Variants in CAMK4 observed in about 807,000 individuals in gnomAD.
The protein encoded by CAMK4 is calcium/calmodulin-dependent protein kinase type IV.
In CAMK4, 22 loss-of-function variants were observed where a neutral mutation model predicts 44.9. The observed-to-expected ratio is 0.49, with a 90% CI of 0.35 to 0.70. CAMK4 has a LOEUF of 0.70. CAMK4 is among the 30% of genes least tolerant of loss of function. The pLI is 0.01. For missense variants in CAMK4, 498 were observed against 586.8 expected (o/e 0.85, Z 1.56); for synonymous variants, 218 against 215.4 (o/e 1.01, Z -0.11).
chr5:111,425,153 A>G (rs2112926327), intron 5 of CAMK4, among the ~76,000 whole-genome samples: 1 of 137,474 alleles, frequency 7.3e-6, no homozygotes, highest in African/African-American at 2.7e-5. Flanking sequence ...ACAGACCAAG[A>G]CGCTGTCTTA....
At chr5:111,281,311 A>C (rs1278520926) in intron 1 of CAMK4, among the ~76,000 whole-genome samples, 2 of 152,014 alleles carry the variant, frequency 1.3e-5, no homozygotes, top group East Asian at 1.9e-4. Context: ...GTGATTTTGC[A>C]CTCCTGCTTT....
Position 111,465,891 on chromosome 5 carries a change from T to A in CAMK4, c.626-7420T>A, listed in dbSNP as rs144631753. ...CTAATATCAAAACCAGGAAAGGACA[T>A]AACCAAAAAGAAAACTATAGATCAA... is the stretch of plus-strand genomic sequence containing the variant. On this transcript the variant is annotated intron_variant, in intron 7 of 10. Coordinates refer to ENST00000282356, the MANE Select transcript of CAMK4 (RefSeq NM_001744.6). 6.6e-3 allele frequency among the ~76,000 whole-genome samples: 1,010 copies of A among 152,072 alleles called. 11 individuals carry two copies. The highest frequency in any genetic ancestry group is 0.024 in the African/African-American group (989 of 41,478).
chr5:111,375,849 T>G (rs1751194568), intron 3 of CAMK4, among the ~76,000 whole-genome samples: 1 of 152,046 alleles, frequency 6.6e-6, no homozygotes, highest in Non-Finnish European at 1.5e-5. Context: ...GCTCCACAAT[T>G]TTTGCAAGTC....
At chr5:111,464,200 A>G (rs1754743534) in intron 7 of CAMK4, among the ~76,000 whole-genome samples, 2 of 151,656 alleles carry the variant, frequency 1.3e-5, no homozygotes, top group South Asian at 2.1e-4. Flanking sequence ...TGCACTGGAA[A>G]GTCTCAGCGA....
intron 1 of CAMK4, among the ~76,000 whole-genome samples, chr5:111,286,934 GT>G (rs1751259822): frequency 6.6e-6 from 1 of 152,022 alleles, no homozygotes; most frequent in African/African-American, 2.4e-5. Context: ...GATGGTTATT[GT>G]TTTTGTAGGT....
intron 1 of CAMK4, among the ~76,000 whole-genome samples, chr5:111,269,563 G>A (rs538968267): frequency 1.3e-5 from 2 of 152,208 alleles, no homozygotes; most frequent in South Asian, 2.1e-4. Context: ...ACTGCAGGCC[G>A]TGACCTGCAG....
At chr5:111,355,723 A>T (rs1247109070) in intron 2 of CAMK4, among the ~76,000 whole-genome samples, 1 of 149,698 alleles carries the variant, frequency 6.7e-6, no homozygotes, top group African/African-American at 2.5e-5. Context: ...TCATTGTTCA[A>T]TTCCCATCTA....
chr5:111,234,805 T>A (rs1215625359), intron 1 of CAMK4, among the ~76,000 whole-genome samples: 3 of 152,232 alleles, frequency 2.0e-5, no homozygotes, highest in African/African-American at 7.2e-5. Flanking sequence ...GAATAGTCTC[T>A]GAAAAAAGAT....
intron 1 of CAMK4, among the ~76,000 whole-genome samples, chr5:111,243,937 A>C (rs1749117580): frequency 6.6e-6 from 1 of 152,226 alleles, no homozygotes; most frequent in Non-Finnish European, 1.5e-5. Flanking sequence ...TTTAAAATTC[A>C]ACCAGTCCAG....
rs1369769598 is a variant in CAMK4, at chr5:111,356,461, C to T, written c.240+12359C>T. ...TCTCCCATTTTGTAGGTTGCCTGTT[C>T]ACTTTGATGGTAGTTTCTTTTGCTG... On this transcript the variant is annotated intron_variant, in intron 2 of 10. Transcript: ENST00000282356. Among the ~76,000 whole-genome samples the T allele has an allele frequency of 1.2e-4, 18 of 152,258 alleles. No individual in the cohort carries two copies. The South Asian group carries it at 3.4e-3, about 29-fold the overall frequency.
intron 5 of CAMK4, among the ~76,000 whole-genome samples, chr5:111,421,422 T>C (rs1045962417): frequency 1.3e-5 from 2 of 152,228 alleles, no homozygotes; most frequent in Non-Finnish European, 2.9e-5. Flanking sequence ...GCTAGTTTCA[T>C]TTGGGCAGGG....
intron 7 of CAMK4, among the ~76,000 whole-genome samples, chr5:111,465,213 G>A (rs533106059): frequency 1.3e-5 from 2 of 152,004 alleles, no homozygotes; most frequent in South Asian, 4.2e-4. Flanking sequence ...AGTGCTAGGA[G>A]GCAAATTCAT....
chr5:111,451,736 C>A (rs1754244881), intron 7 of CAMK4, among the ~76,000 whole-genome samples: 1 of 151,384 alleles, frequency 6.6e-6, no homozygotes, highest in Admixed American at 6.6e-5. Flanking sequence ...AAAAAAAAAA[C>A]AACAACAAAA....
intron 7 of CAMK4, among the ~76,000 whole-genome samples, chr5:111,471,778 A>G (rs776117517): frequency 5.9e-5 from 9 of 152,252 alleles, no homozygotes; most frequent in African/African-American, 1.7e-4. Context: ...AAATTGGAAC[A>G]TGATGAGAGT....
intron 2 of CAMK4, among the ~76,000 whole-genome samples, chr5:111,346,484 A>ATCTG (rs1749871246): frequency 1.8e-5 from 1 of 56,528 alleles, no homozygotes. Flanking sequence ...TTGAAACTTT[A>ATCTG]TCTATCTATC....
At chr5:111,294,850 A>C (rs1299808111) in intron 1 of CAMK4, among the ~76,000 whole-genome samples, 1 of 152,148 alleles carries the variant, frequency 6.6e-6, no homozygotes, top group Non-Finnish European at 1.5e-5. Flanking sequence ...TATTATTATC[A>C]TGAATGATTA....
rs189131156 is a variant in CAMK4, at chr5:111,362,328, C to A, written c.241-12522C>A. 1.4e-4 allele frequency among the ~76,000 whole-genome samples: 22 copies of A among 152,106 alleles called. No individual in the cohort carries two copies. The East Asian group carries it at 1.9e-3, about 13-fold the overall frequency. On this transcript the variant is annotated intron_variant, in intron 2 of 10. Transcript: ENST00000282356. Reference sequence around the variant, plus strand: ...ATATTAGTAATAAATCTTAAGGAATCATTCATGTCTAACATTAGGGCTAGG... The same window carrying A: ...ATATTAGTAATAAATCTTAAGGAATAATTCATGTCTAACATTAGGGCTAGG...
At chr5:111,429,331 A>G (rs146257114) in intron 5 of CAMK4, among the ~76,000 whole-genome samples, 1 of 152,378 alleles carries the variant, frequency 6.6e-6, no homozygotes, top group East Asian at 1.9e-4. Context: ...AGAAATTCAA[A>G]GGTAATTAGT....
intron 9 of CAMK4, 96 bp downstream of exon 9, chr5:111,478,603 A>G (rs1580807657): frequency 2.0e-6 from 1 of 501,776 alleles, no homozygotes; most frequent in African/African-American, 2.0e-5. Flanking sequence ...ACCCATATTA[A>G]TGCCATATTT....
Sources: allele counts gnomAD v4.1 joint callset (sites outside exome capture counted in the v4.1 genomes callset), GRCh38; gene constraint gnomAD v4.1.1; transcripts MANE v1.5; gene names NCBI Gene and HGNC (gene_info 2026-07-23, HGNC 2026-07-21).